MPC1: variants seen among roughly 807,000 people sequenced by gnomAD.
MPC1 encodes the protein HSPC040 protein.
In MPC1, 6 loss-of-function variants were observed where a neutral mutation model predicts 13.9. That is an observed-to-expected ratio of 0.43 (90% CI 0.24 to 0.85). MPC1 has a LOEUF of 0.85. Ranked by LOEUF, MPC1 falls within the 40% of genes least tolerant of loss-of-function variation. MPC1 has a pLI of 0.24. For missense variants in MPC1, 115 were observed against 143.3 expected (o/e 0.80, Z 1.01); for synonymous variants, 47 against 50.5 (o/e 0.93, Z 0.29).
chr6:166,375,002 T>C (rs1779518640), intron 1 of MPC1, among the ~76,000 whole-genome samples: 1 of 152,210 alleles, frequency 6.6e-6, no homozygotes, highest in Non-Finnish European at 1.5e-5. Flanking sequence ...ATTTTAACTT[T>C]CACCTATTCA....
intron 1 of MPC1, among the ~76,000 whole-genome samples, 162 bp downstream of exon 1, chr6:166,382,644 G>A (rs752740929): frequency 3.9e-5 from 6 of 152,188 alleles, no homozygotes; most frequent in Non-Finnish European, 1.5e-5. Context: ...GGAGGGATCC[G>A]GGTGGGGCCC....
intron 1 of MPC1, among the ~76,000 whole-genome samples, chr6:166,374,645 G>C (rs1295051029): frequency 6.6e-6 from 1 of 152,184 alleles, no homozygotes; most frequent in African/African-American, 2.4e-5. Flanking sequence ...TTTTGCAATT[G>C]CATGCCCAGT....
At chr6:166,377,886 G>A (rs565148025) in intron 1 of MPC1, among the ~76,000 whole-genome samples, 1 of 152,366 alleles carries the variant, frequency 6.6e-6, no homozygotes, top group Non-Finnish European at 1.5e-5. Context: ...GCAGGGAAGT[G>A]CTCAAAGAGT....
intron 2 of MPC1, chr6:166,367,221 T>C: frequency 9.1e-7 from 1 of 1,095,296 alleles, no homozygotes; most frequent in Non-Finnish European, 1.1e-6. Context: ...TAAGATTCAC[T>C]TCTTACACAA....
chr6:166,379,606 C>T (rs1382993173), intron 1 of MPC1, among the ~76,000 whole-genome samples: 4 of 152,054 alleles, frequency 2.6e-5, no homozygotes, highest in Non-Finnish European at 4.4e-5. Context: ...TAAATTTATG[C>T]TGAAAAACTC....
At chr6:166,380,604 C>T (rs1028251728) in intron 1 of MPC1, among the ~76,000 whole-genome samples, 1 of 152,166 alleles carries the variant, frequency 6.6e-6, no homozygotes, top group East Asian at 1.9e-4. Context: ...AAGCAGAACT[C>T]TCTTCCTTGA....
At chr6:166,368,235 C>T (rs1366883780) in intron 2 of MPC1, among the ~76,000 whole-genome samples, 3 of 152,152 alleles carry the variant, frequency 2.0e-5, no homozygotes, top group Non-Finnish European at 2.9e-5. Context: ...AATTGGACAG[C>T]AAGGCTTTGG....
chr6:166,368,295 C>T (rs1003952242), intron 2 of MPC1, among the ~76,000 whole-genome samples: 1 of 152,156 alleles, frequency 6.6e-6, no homozygotes, highest in East Asian at 1.9e-4. Flanking sequence ...CAGCGGCTCA[C>T]GCCTGTAATC....
At chr6:166,367,031 GTTAA>G (rs1332249621) in intron 2 of MPC1, 140 bp from the exon 3 acceptor site, 1 of 1,518,176 alleles carries the variant, frequency 6.6e-7, no homozygotes, top group East Asian at 2.5e-5. Context: ...GGTTTACTGG[GTTAA>G]TTGATGGTTA....
intron 1 of MPC1, 81 bp downstream of exon 1, chr6:166,382,725 C>A (rs1779849517): frequency 7.1e-7 from 1 of 1,400,794 alleles, no homozygotes; most frequent in Non-Finnish European, 9.5e-7. Flanking sequence ...TCCTCGCGGC[C>A]GCCCTCGTCG....
intron 1 of MPC1, 149 bp downstream of exon 1, chr6:166,382,657 C>G: frequency 1.3e-6 from 1 of 781,930 alleles, no homozygotes; most frequent in Non-Finnish European, 1.9e-6. Flanking sequence ...TGGGGCCCCC[C>G]TGACAAGCGC....
At chr6:166,372,200 C>A (rs1302989570) in intron 1 of MPC1, among the ~76,000 whole-genome samples, 2 of 152,108 alleles carry the variant, frequency 1.3e-5, no homozygotes, top group Non-Finnish European at 2.9e-5. Flanking sequence ...AACACTGGCC[C>A]TTTAGGTAAC....
At chr6:166,382,556 C>A (rs1779838645) in intron 1 of MPC1, among the ~76,000 whole-genome samples, 1 of 151,966 alleles carries the variant, frequency 6.6e-6, no homozygotes, top group South Asian at 2.1e-4. Context: ...CTGAGGGGCG[C>A]CCACTGTCAC....
intron 2 of MPC1, 21 bp from the exon 3 acceptor site, chr6:166,366,912 A>G (rs1209902749): frequency 1.9e-6 from 3 of 1,613,628 alleles, no homozygotes; most frequent in Non-Finnish European, 2.5e-6. Context: ...TGAGAGGAAA[A>G]GAATGAAGAG....
intron 2 of MPC1, among the ~76,000 whole-genome samples, chr6:166,368,392 C>G (rs189602493): frequency 4.6e-5 from 7 of 152,004 alleles, no homozygotes; most frequent in African/African-American, 1.7e-4. Context: ...CCTGTCTCTA[C>G]TAAAAATATA....
chr6:166,366,243 G>A, intron 3 of MPC1, 137 bp from the exon 4 acceptor site: 3 of 984,736 alleles, frequency 3.0e-6, no homozygotes, highest in Non-Finnish European at 1.4e-6. Flanking sequence ...GATAAAAGTT[G>A]TTACTTAAAT....
intron 1 of MPC1, among the ~76,000 whole-genome samples, chr6:166,374,291 C>A (rs11754269): frequency 0.14 from 20,691 of 152,182 alleles, 1,804 homozygotes; most frequent in Middle Eastern, 0.21. Context: ...CCGCGCCTGG[C>A]CTTATTGTTA....
intron 2 of MPC1, 22 bp from the exon 3 acceptor site, chr6:166,366,913 G>A: frequency 6.2e-7 from 1 of 1,613,650 alleles, no homozygotes; most frequent in Non-Finnish European, 8.5e-7. Context: ...GAGAGGAAAA[G>A]AATGAAGAGA....
intron 1 of MPC1, among the ~76,000 whole-genome samples, chr6:166,377,087 G>C (rs1000880644): frequency 6.7e-5 from 10 of 150,136 alleles, no homozygotes; most frequent in Non-Finnish European, 1.5e-4. Flanking sequence ...CATTTTATAT[G>C]ATTCCATTTT....
Sources: allele counts gnomAD v4.1 joint callset (sites outside exome capture counted in the v4.1 genomes callset), GRCh38; gene constraint gnomAD v4.1.1; transcripts MANE v1.5; gene names NCBI Gene and HGNC (gene_info 2026-07-23, HGNC 2026-07-21).